TMEM178B: variants seen among roughly 807,000 people sequenced by gnomAD.
The protein encoded by TMEM178B is transmembrane protein 178B.
A neutral mutation model predicts 31.0 loss-of-function variants in TMEM178B; 5 were observed. The observed-to-expected ratio is 0.16, with a 90% CI of 0.08 to 0.34. The LOEUF (loss-of-function observed/expected upper bound fraction) is 0.34, where lower values mean the gene tolerates loss of function less well. TMEM178B is among the 10% of genes least tolerant of loss of function. The pLI is 1.00. For synonymous variants in TMEM178B, 164 were observed against 164.0 expected, an observed-to-expected ratio of 1.00 and a Z score of 0.00; for missense variants, 275 against 400.3, an observed-to-expected ratio of 0.69 and a Z score of 2.67.
rs1219033580 is a variant in TMEM178B, at chr7:141,389,039, A to G, written c.497-48569A>G. ...TCCAAAGTCCAACCGAGTCTAGTAT[A>G]GTGTCACCACTTATTGATCTACAGG... On this transcript the variant is annotated intron_variant, in intron 2 of 3. Transcript: ENST00000565468. 2.0e-5 allele frequency among the ~76,000 whole-genome samples: 3 copies of G among 152,292 alleles called. No homozygotes were observed. The East Asian group carries it at 5.8e-4, about 29-fold the overall frequency.
chr7:141,271,837 A>G (rs1798190966), intron 2 of TMEM178B, among the ~76,000 whole-genome samples: 1 of 152,154 alleles, frequency 6.6e-6, no homozygotes, highest in South Asian at 2.1e-4. Flanking sequence ...TTCCTCTAGT[A>G]TCTCTCTTTT....
intron 1 of TMEM178B, among the ~76,000 whole-genome samples, chr7:141,177,705 T>G (rs550995520): frequency 1.1e-4 from 17 of 152,352 alleles, no homozygotes; most frequent in African/African-American, 3.8e-4. Context: ...GTAATGCCCT[T>G]TGTCTCTTTT....
At chr7:141,080,272 A>G (rs1794661914) in intron 1 of TMEM178B, among the ~76,000 whole-genome samples, 1 of 152,232 alleles carries the variant, frequency 6.6e-6, no homozygotes, top group South Asian at 2.1e-4. Context: ...CATCAGGTAC[A>G]GTGTTGGACC....
At chr7:141,414,457 AT>A (rs1218471625) in intron 2 of TMEM178B, 1 of 152,556 alleles carries the variant, frequency 6.6e-6, no homozygotes, top group Non-Finnish European at 1.5e-5. Flanking sequence ...CCATATACCA[AT>A]TGTTGGAATA....
chr7:141,389,382 T>G (rs950289836), intron 2 of TMEM178B, among the ~76,000 whole-genome samples: 14 of 152,210 alleles, frequency 9.2e-5, no homozygotes, highest in African/African-American at 3.4e-4. Flanking sequence ...GTCTGTCTAG[T>G]AGATTGGTTT....
At chr7:141,494,523 A>G in the TMEM178B span, among the ~76,000 whole-genome samples, 2 of 152,210 alleles carry the variant, frequency 1.3e-5, no homozygotes, top group African/African-American at 2.4e-5. Flanking sequence ...AACTCTGAAC[A>G]TTTGCTTTCA....
At chr7:141,087,923 A>G (rs905336041) in intron 1 of TMEM178B, among the ~76,000 whole-genome samples, 4 of 152,184 alleles carry the variant, frequency 2.6e-5, no homozygotes, top group African/African-American at 9.7e-5. Context: ...CTCATTACCA[A>G]GGGATCATGA....
At chr7:141,089,213 G>A (rs1794838485) in intron 1 of TMEM178B, among the ~76,000 whole-genome samples, 2 of 152,156 alleles carry the variant, frequency 1.3e-5, no homozygotes, top group African/African-American at 2.4e-5. Context: ...AAAGCACTTC[G>A]ACCTGGTATT....
intron 2 of TMEM178B, among the ~76,000 whole-genome samples, chr7:141,225,896 T>C (rs1390722231): frequency 1.3e-5 from 2 of 152,122 alleles, no homozygotes; most frequent in African/African-American, 4.8e-5. Flanking sequence ...GATCATCCAG[T>C]CTTAGGCCCC....
intron 1 of TMEM178B, among the ~76,000 whole-genome samples, chr7:141,078,567 T>C (rs1794634083): frequency 6.6e-6 from 1 of 152,164 alleles, no homozygotes; most frequent in Non-Finnish European, 1.5e-5. Flanking sequence ...GCATAGTCTG[T>C]TAGTGTCAGA....
rs1802425886 is a variant in TMEM178B at position 141,479,075 on chromosome 7, C to T, written c.*8289C>T. The T allele has an allele frequency of 6.6e-6, 1 of 152,168 alleles. No homozygotes were observed. The highest frequency in any genetic ancestry group is 2.1e-4 in the South Asian group (1 of 4,834). The allele number at this position is 152,168 out of a possible 1,614,324, so 9.4% of individuals were successfully genotyped here. Reference sequence around the variant, plus strand: ...GTGTCGGCGCTGCCCCAGTCATGTCCCTTATGACCTGTCCAAGTCCTAGAG... The same window carrying T: ...GTGTCGGCGCTGCCCCAGTCATGTCTCTTATGACCTGTCCAAGTCCTAGAG... On this transcript the variant is annotated 3_prime_UTR_variant, in exon 4 of 4. Coordinates refer to ENST00000565468, the MANE Select transcript of TMEM178B (RefSeq NM_001195278.2).
intron 3 of TMEM178B, among the ~76,000 whole-genome samples, chr7:141,465,352 A>G (rs1244903644): frequency 6.6e-6 from 1 of 152,166 alleles, no homozygotes; most frequent in Non-Finnish European, 1.5e-5. Flanking sequence ...GCCATTTAAA[A>G]TATTTTCCTA....
intron 1 of TMEM178B, among the ~76,000 whole-genome samples, chr7:141,168,223 T>C (rs1796292490): frequency 6.6e-6 from 1 of 152,200 alleles, no homozygotes; most frequent in Non-Finnish European, 1.5e-5. Context: ...TGATATTTCA[T>C]GCCTTTGACT....
At position 141,288,353 on chromosome 7, in the gene TMEM178B, C is replaced by T. The variant is rs1798484515; in HGVS notation, c.496+75649C>T. ...TAATGTTTTCCATTCATTTTTTTCT[C>T]AAGTCCAGGTGCCTACCCAGTGCCT... On this transcript the variant is annotated intron_variant, in intron 2 of 3. Coordinates refer to ENST00000565468, the MANE Select transcript of TMEM178B (RefSeq NM_001195278.2). 2.0e-5 allele frequency among the ~76,000 whole-genome samples: 3 copies of T among 151,856 alleles called. 1 individual carries two copies. The South Asian group carries it at 6.2e-4, about 32-fold the overall frequency.
chr7:141,497,450 C>G, the TMEM178B span, among the ~76,000 whole-genome samples: 15 of 152,288 alleles, frequency 9.8e-5, no homozygotes, highest in South Asian at 1.9e-3. Flanking sequence ...TTTGTTACCC[C>G]CTTTGGGCTC....
At chr7:141,405,472 A>C (rs1219916245) in intron 2 of TMEM178B, among the ~76,000 whole-genome samples, 2 of 152,226 alleles carry the variant, frequency 1.3e-5, no homozygotes, top group Non-Finnish European at 2.9e-5. Context: ...CCAGTTTCCT[A>C]ACTTAAGGAG....
At chr7:141,406,756 A>G (rs77871066) in intron 2 of TMEM178B, among the ~76,000 whole-genome samples, 3,465 of 152,342 alleles carry the variant, frequency 0.023, 52 homozygotes, top group South Asian at 0.054. Flanking sequence ...TTATAATGCT[A>G]GACCTTCGAA....
chr7:141,381,107 A>G (rs1022082192), intron 2 of TMEM178B, among the ~76,000 whole-genome samples: 1 of 152,208 alleles, frequency 6.6e-6, no homozygotes, highest in Non-Finnish European at 1.5e-5. Context: ...GGTGAGACAA[A>G]TGGAAGAGTT....
At position 141,074,131 on chromosome 7, in the gene TMEM178B, C is replaced by T. The variant is rs572769594; in HGVS notation, c.-180C>T. On this transcript the variant is annotated 5_prime_UTR_variant, in exon 1 of 4. Transcript: ENST00000565468. The surrounding 1 kb of genome is among the most constrained non-coding windows in gnomAD (Gnocchi z 5.1). ...GGATCAGAACTTTTTAGGCCGCCCG[C>T]CCCCATCCCCGCAGTCCCCGGGCCG... The T allele has an allele frequency of 3.9e-3, 3,491 of 885,950 alleles. 13 individuals are homozygous for T. The highest frequency in any genetic ancestry group is 0.02 in the Middle Eastern group (53 of 2,716). The allele number at this position is 885,950 out of a possible 1,614,324, so 54.9% of individuals were successfully genotyped here. A position where few individuals can be genotyped will look rare whatever the true frequency, so the allele number is the denominator to read the frequency against.
Sources: gnomAD v4.1 joint callset for allele counts (sites outside exome capture counted in the v4.1 genomes callset) on GRCh38, gnomAD v4.1.1 for gene constraint, Gnocchi (gnomAD v3.1) non-coding constraint, MANE v1.5 for transcripts, NCBI Gene and HGNC (gene_info 2026-07-23, HGNC 2026-07-21) for gene names.